Variants in RYR3 observed in about 807,000 individuals in gnomAD.
The protein encoded by RYR3 is brain ryanodine receptor-calcium release channel.
In RYR3, 207 loss-of-function variants were observed where a neutral mutation model predicts 584.3. The observed-to-expected ratio is 0.35, with a 90% CI of 0.32 to 0.40. The LOEUF (loss-of-function observed/expected upper bound fraction) is 0.40. Among genes scored for constraint, RYR3 ranks in the 10% least tolerant of loss-of-function variants. The pLI, the probability that RYR3 is intolerant of heterozygous loss-of-function variation, is 1.00. For missense variants in RYR3, 5,616 were observed against 6,089.2 expected (o/e 0.92, Z 2.59); for synonymous variants, 2,416 against 2,248.5 (o/e 1.07, Z -2.11).
At chr15:33,464,708 TC>T (rs1395390436) in intron 1 of RYR3, among the ~76,000 whole-genome samples, 1 of 151,940 alleles carries the variant, frequency 6.6e-6, no homozygotes, top group East Asian at 1.9e-4. Flanking sequence ...AATGAATATT[TC>T]CATCACCTCA....
intron 1 of RYR3, among the ~76,000 whole-genome samples, chr15:33,416,669 G>T (rs1482318611): frequency 6.6e-6 from 1 of 151,998 alleles, no homozygotes; most frequent in East Asian, 1.9e-4. Flanking sequence ...AGTTTCTTTT[G>T]CTGGGCAGAA....
At chr15:33,542,973 A>G (rs555828955) in intron 7 of RYR3, among the ~76,000 whole-genome samples, 1 of 151,828 alleles carries the variant, frequency 6.6e-6, no homozygotes, top group South Asian at 2.1e-4. Context: ...CCATCTCTGA[A>G]CTCCATGACT....
At chr15:33,747,129 A>G (rs1031278689) in intron 53 of RYR3, among the ~76,000 whole-genome samples, 6 of 152,146 alleles carry the variant, frequency 3.9e-5, no homozygotes, top group Admixed American at 6.6e-5. Context: ...TTTCTAATAC[A>G]TGGAAGATAC....
chr15:33,478,940 G>T (rs1451635102), intron 2 of RYR3, among the ~76,000 whole-genome samples: 3 of 152,198 alleles, frequency 2.0e-5, no homozygotes, highest in Non-Finnish European at 2.9e-5. Flanking sequence ...AAAGCCAGTG[G>T]CATGTCTAAA....
chr15:33,819,804 C>T lies in RYR3; in HGVS notation c.10755C>T (p.Ala3585=). Residue 3585 remains alanine, a synonymous_variant, in exon 77 of 104, where the codon GCC becomes GCT. Transcript: ENST00000634891. ...PLYTSYSSMM[A]KSCQSGEDEE... is the part of the protein sequence containing the mutation. ...ACACCTCCTATTCCAGCATGATGGC[C>T]AAGGTACACCCAGGTTTTCTGCCCA... is the stretch of plus-strand genomic sequence containing the variant. The T allele has an allele frequency of 6.3e-7, 1 of 1,586,972 alleles. No individual in the cohort carries two copies. Among genetic ancestry groups the T allele is most frequent in the East Asian group, 2.3e-5 (1 of 44,312 alleles).
chr15:33,808,581 C>A (rs1390823521), intron 70 of RYR3, among the ~76,000 whole-genome samples: 2 of 152,110 alleles, frequency 1.3e-5, no homozygotes, highest in African/African-American at 4.8e-5. Context: ...ATACATATAA[C>A]CAGGTTCTAT....
intron 45 of RYR3, 64 bp downstream of exon 45, chr15:33,724,240 C>T (rs754489503): frequency 1.2e-5 from 10 of 864,744 alleles, no homozygotes; most frequent in Non-Finnish European, 1.8e-5. Context: ...TATAGATTTC[C>T]TGAACCTCAT....
intron 38 of RYR3, among the ~76,000 whole-genome samples, chr15:33,695,211 A>C (rs897771192): frequency 8.5e-5 from 13 of 152,340 alleles, no homozygotes; most frequent in African/African-American, 2.9e-4. Flanking sequence ...ATTTAAGAGC[A>C]GCATGTCTCA....
At chr15:33,638,336 G>A (rs1449947466) in intron 27 of RYR3, among the ~76,000 whole-genome samples, 1 of 152,168 alleles carries the variant, frequency 6.6e-6, no homozygotes, top group Non-Finnish European at 1.5e-5. Context: ...TCCCTCTGAG[G>A]CCAGGAGGAA....
intron 2 of RYR3, among the ~76,000 whole-genome samples, chr15:33,485,991 C>T (rs1439258302): frequency 1.3e-5 from 2 of 152,038 alleles, no homozygotes; most frequent in African/African-American, 4.8e-5. Flanking sequence ...AAGATGAGTA[C>T]ATGGTTAGAC....
chr15:33,519,471 C>T (rs192015302), intron 3 of RYR3, among the ~76,000 whole-genome samples: 2 of 152,008 alleles, frequency 1.3e-5, no homozygotes, highest in East Asian at 1.9e-4. Flanking sequence ...AAGTGCTTGC[C>T]GACTGCATGC....
At chr15:33,445,664 A>AACACACACACACACACACACACACACAC (rs61585713) in intron 1 of RYR3, among the ~76,000 whole-genome samples, 1 of 106,006 alleles carries the variant, frequency 9.4e-6, no homozygotes, top group Non-Finnish European at 1.9e-5. Context: ...TTCCCCCACC[A>AACACACACACACACACACACACACACAC]ACACACACAC....
chr15:33,480,899 T>A (rs1461563399), intron 2 of RYR3, among the ~76,000 whole-genome samples: 3 of 152,202 alleles, frequency 2.0e-5, no homozygotes, highest in African/African-American at 4.8e-5. Flanking sequence ...TACTGAAATG[T>A]GTCTGCTGTT....
At chr15:33,691,356 T>C (rs759536380) in intron 38 of RYR3, among the ~76,000 whole-genome samples, 2 of 152,188 alleles carry the variant, frequency 1.3e-5, no homozygotes, top group Non-Finnish European at 2.9e-5. Context: ...CATTTGTTAG[T>C]ATAGACAGGT....
chr15:33,426,874 G>A lies in RYR3; in HGVS notation c.52-46545G>A, dbSNP rs560499734. Among the ~76,000 whole-genome samples, 37 of 152,274 alleles carry A rather than the reference G, an allele frequency of 2.4e-4. 1 individual carries two copies. The highest frequency in any genetic ancestry group is 7.2e-4 in the African/African-American group (30 of 41,546). ...GGTGAGAGCCCTGTTCTGGGTTGCC[G>A]ACTGCTGGCTTCTCTTGTATCCTCA... On this transcript the variant is annotated intron_variant, in intron 1 of 103. Coordinates refer to ENST00000634891, the MANE Select transcript of RYR3 (RefSeq NM_001036.6).
intron 1 of RYR3, among the ~76,000 whole-genome samples, chr15:33,366,875 C>A (rs1396332994): frequency 6.6e-6 from 1 of 152,070 alleles, no homozygotes; most frequent in Non-Finnish European, 1.5e-5. Flanking sequence ...TTGAGCCCAA[C>A]AAAAGGAAGG....
intron 82 of RYR3, 36 bp downstream of exon 82, chr15:33,825,712 C>A (rs1456402914): frequency 2.9e-6 from 3 of 1,036,534 alleles, no homozygotes; most frequent in Non-Finnish European, 4.3e-6. Context: ...CATTCTCTTC[C>A]TGATTAAAAT....
At chr15:33,775,263 A>G (rs1485929520) in intron 64 of RYR3, among the ~76,000 whole-genome samples, 1 of 151,738 alleles carries the variant, frequency 6.6e-6, no homozygotes, top group Non-Finnish European at 1.5e-5. Context: ...TTTTTCCTAA[A>G]TATTTTTTCC....
chr15:33,507,232 C>A (rs2052559851), intron 3 of RYR3, among the ~76,000 whole-genome samples: 1 of 152,192 alleles, frequency 6.6e-6, no homozygotes, highest in South Asian at 2.1e-4. Flanking sequence ...GCAGCAATTT[C>A]TCTTGCTAAC....
Sources: allele counts gnomAD v4.1 joint callset (sites outside exome capture counted in the v4.1 genomes callset), GRCh38; gene constraint gnomAD v4.1.1; transcripts MANE v1.5; gene names NCBI Gene and HGNC (gene_info 2026-07-23, HGNC 2026-07-21).